Variants in ADAMTSL1 observed in about 807,000 individuals in gnomAD.
The protein encoded by ADAMTSL1 is ADAMTS-like protein 1.
Under a neutral mutation model 201.8 loss-of-function variants are expected in ADAMTSL1, and 126 were observed. The observed-to-expected ratio is 0.62, with a 90% CI of 0.54 to 0.72. ADAMTSL1 has a LOEUF of 0.72. Among genes scored for constraint, ADAMTSL1 ranks in the 30% least tolerant of loss-of-function variants. ADAMTSL1 has a pLI of 0.00. For synonymous variants in ADAMTSL1, 1,121 were observed against 903.4 expected, an observed-to-expected ratio of 1.24 and a Z score of -4.32; for missense variants, 2,679 against 2,277.8, an observed-to-expected ratio of 1.18 and a Z score of -3.59.
At chr9:18,812,556 A>G (rs1166058281) in intron 20 of ADAMTSL1, among the ~76,000 whole-genome samples, 1 of 152,248 alleles carries the variant, frequency 6.6e-6, no homozygotes, top group African/African-American at 2.4e-5. Context: ...TATCAAAAGC[A>G]TAATCCTGTT....
intron 9 of ADAMTSL1, among the ~76,000 whole-genome samples, chr9:18,665,797 C>T (rs1158771662): frequency 6.6e-6 from 1 of 152,066 alleles, no homozygotes; most frequent in African/African-American, 2.4e-5. Flanking sequence ...GTTGACATCT[C>T]GCCTATACTC....
intron 1 of ADAMTSL1, among the ~76,000 whole-genome samples, chr9:18,043,455 C>T (rs1001675284): frequency 6.6e-6 from 1 of 152,062 alleles, no homozygotes; most frequent in South Asian, 2.1e-4. Context: ...ACCACCTGGG[C>T]TACAGTAAGC....
intron 1 of ADAMTSL1, among the ~76,000 whole-genome samples, chr9:17,913,301 CATG>C (rs1250142022): frequency 3.9e-5 from 6 of 152,164 alleles, no homozygotes; most frequent in Non-Finnish European, 8.8e-5. Flanking sequence ...TGGCCATTTT[CATG>C]ATATTGATTC....
intron 2 of ADAMTSL1, among the ~76,000 whole-genome samples, chr9:18,301,587 AG>A (rs1351887185): frequency 6.6e-6 from 1 of 152,208 alleles, no homozygotes; most frequent in Admixed American, 6.5e-5. Flanking sequence ...CTATAATAAA[AG>A]TCATGTGAAT....
rs757356161 is a variant in ADAMTSL1, at chr9:18,826,300, A to T, written c.3951A>T (p.Glu1317Asp). 6.2e-7 allele frequency: 1 copy of T among 1,612,078 alleles called. No individual in the cohort carries two copies. Among genetic ancestry groups the T allele is most frequent in the South Asian group, 1.1e-5 (1 of 90,714 alleles). ...NCQVAGVPEA[E>D]VTWFRNKSKL... The stretch of plus-strand genomic sequence containing the variant: ...TCTTCCTAGGAGTGCCTGAAGCTGA[A>T]GTCACTTGGTTCAGGAATAAAAGCA... Residue 1317 changes from glutamate to aspartate, a missense_variant, in exon 22 of 29, where the codon GAA becomes GAT. Physicochemically the swap from Glu to Asp is conservative, Grantham distance 45. Coordinates refer to ENST00000380548, the MANE Select transcript of ADAMTSL1 (RefSeq NM_001040272.6).
At chr9:18,466,031 G>C (rs572712705) in intron 2 of ADAMTSL1, among the ~76,000 whole-genome samples, 27 of 152,294 alleles carry the variant, frequency 1.8e-4, no homozygotes, top group Middle Eastern at 6.8e-3. Context: ...GATTACAGGA[G>C]TGAGCCACTG....
At chr9:18,619,145 A>C (rs1455482156) in intron 4 of ADAMTSL1, among the ~76,000 whole-genome samples, 1 of 152,212 alleles carries the variant, frequency 6.6e-6, no homozygotes, top group South Asian at 2.1e-4. Flanking sequence ...GGGCCAATTA[A>C]GCCCATTTTT....
At chr9:18,849,575 A>T (rs1264033769) in intron 23 of ADAMTSL1, among the ~76,000 whole-genome samples, 1 of 152,210 alleles carries the variant, frequency 6.6e-6, no homozygotes, top group Middle Eastern at 3.2e-3. Flanking sequence ...GGTGGCAAGG[A>T]AGGTGATGCC....
chr9:18,828,696 A>T (rs71494988), intron 22 of ADAMTSL1, among the ~76,000 whole-genome samples: 1,008 of 90,496 alleles, frequency 0.011, 56 homozygotes, highest in East Asian at 0.044. Context: ...ATATATATAA[A>T]ATGTGTGTGT....
At chr9:18,227,962 A>G (rs1687112290) in intron 2 of ADAMTSL1, among the ~76,000 whole-genome samples, 1 of 152,166 alleles carries the variant, frequency 6.6e-6, no homozygotes, top group Admixed American at 6.6e-5. Flanking sequence ...TGGAACTCAC[A>G]ATGCATTCTT....
intron 2 of ADAMTSL1, among the ~76,000 whole-genome samples, chr9:18,177,280 T>A (rs927790068): frequency 2.0e-5 from 3 of 152,180 alleles, no homozygotes; most frequent in Non-Finnish European, 4.4e-5. Flanking sequence ...AAAACTATGG[T>A]GTTGTGTGCT....
chr9:17,991,930 C>T (rs1819169426), intron 1 of ADAMTSL1, among the ~76,000 whole-genome samples: 1 of 152,090 alleles, frequency 6.6e-6, no homozygotes, highest in African/African-American at 2.4e-5. Context: ...TGCCTTGCCC[C>T]TCTCTCTCAT....
chr9:18,153,264 G>T (rs540200171), intron 1 of ADAMTSL1, among the ~76,000 whole-genome samples: 5 of 152,106 alleles, frequency 3.3e-5, no homozygotes, highest in Admixed American at 3.3e-4. Flanking sequence ...CTGGCATCAA[G>T]AAATCTACAT....
chr9:18,150,321 T>A (rs1826852918), intron 1 of ADAMTSL1, among the ~76,000 whole-genome samples: 1 of 151,954 alleles, frequency 6.6e-6, no homozygotes, highest in Non-Finnish European at 1.5e-5. Flanking sequence ...AAGGGTATGG[T>A]GTCATGGAAA....
chr9:18,439,166 G>A (rs991913476), intron 2 of ADAMTSL1, among the ~76,000 whole-genome samples: 1 of 152,044 alleles, frequency 6.6e-6, no homozygotes, highest in African/African-American at 2.4e-5. Flanking sequence ...TCCTGCATTG[G>A]CAAATTCCAA....
chr9:18,048,999 C>T (rs914716222), intron 1 of ADAMTSL1, among the ~76,000 whole-genome samples: 6 of 152,160 alleles, frequency 3.9e-5, no homozygotes, highest in African/African-American at 1.4e-4. Flanking sequence ...CACTCCCCTA[C>T]TTCCGGCAGT....
At position 18,144,488 on chromosome 9, in the gene ADAMTSL1, G is replaced by A. The variant is rs113953481; in HGVS notation, c.88-19374G>A. 1.6e-3 allele frequency among the ~76,000 whole-genome samples: 251 copies of A among 152,170 alleles called. 2 individuals carry two copies. The highest frequency in any genetic ancestry group is 5.6e-3 in the African/African-American group (233 of 41,518). On this transcript the variant is annotated intron_variant, in intron 1 of 29. Transcript: ENST00000680146. ...TCCAAAGTGCTGGGATTACAGGCAC[G>A]AGCCACCACACCTGGCCCTAATAGT...
chr9:18,713,234 T>G lies in ADAMTSL1; in HGVS notation c.1876+6186T>G, dbSNP rs369480640. Among the ~76,000 whole-genome samples the G allele has an allele frequency of 6.6e-5, 10 of 151,840 alleles. No homozygotes were observed. In the East Asian group the frequency reaches 7.8e-4, roughly 12 times the overall value. ...AGCTAACATCATAATGACAGGATCA[T>G]ATTCACACATAACAATATTAACTTT... is the stretch of plus-strand genomic sequence containing the variant. On this transcript the variant is annotated intron_variant, in intron 14 of 28. Coordinates refer to ENST00000380548, the MANE Select transcript of ADAMTSL1 (RefSeq NM_001040272.6).
chr9:18,586,863 T>C (rs1168523173), intron 4 of ADAMTSL1, among the ~76,000 whole-genome samples: 1 of 152,084 alleles, frequency 6.6e-6, no homozygotes, highest in East Asian at 1.9e-4. Context: ...CCCTATTCAA[T>C]AAATGGTGCT....
Sources: gnomAD v4.1 joint callset for allele counts (sites outside exome capture counted in the v4.1 genomes callset) on GRCh38, gnomAD v4.1.1 for gene constraint, MANE v1.5 for transcripts, NCBI Gene and HGNC (gene_info 2026-07-23, HGNC 2026-07-21) for gene names.